The following AVEN variants were observed in gnomAD, a reference collection of about 807,000 sequenced individuals.
AVEN encodes the protein cell death regulator Aven.
AVEN carries 41 observed loss-of-function variants against 38.1 expected under a neutral mutation model. The observed-to-expected ratio is 1.08, with a 90% CI of 0.84 to 1.40. AVEN has a LOEUF of 1.40. Ranked by LOEUF, AVEN falls within the 40% of genes most tolerant of loss-of-function variation. AVEN has a pLI of 0.00. For missense variants in AVEN, 605 were observed against 438.8 expected, an observed-to-expected ratio of 1.38 and a Z score of -3.38; for synonymous variants, 206 against 171.8, an observed-to-expected ratio of 1.20 and a Z score of -1.56.
chr15:33,911,411 A>G (rs1004661257), intron 2 of AVEN, among the ~76,000 whole-genome samples: 1 of 152,194 alleles, frequency 6.6e-6, no homozygotes, highest in African/African-American at 2.4e-5. Flanking sequence ...TTTTTTGCTA[A>G]CATACCTTTG....
rs1399753646 is a variant in AVEN at position 34,039,195 on chromosome 15, C to G, written c.-149G>C. On this transcript the variant is annotated 5_prime_UTR_variant, in exon 1 of 6. Coordinates refer to ENST00000306730, the MANE Select transcript of AVEN (RefSeq NM_020371.3). ...GGGGTGCGGGGCTAGGGATCGAGGC[C>G]GGCCGCAGCGGAGCGGGGCGGGGCG... The G allele has an allele frequency of 4.7e-6, 3 of 635,736 alleles. No individual in the cohort carries two copies. In the South Asian group the frequency reaches 2.1e-4, roughly 45 times the overall value. 39.4% of individuals were successfully genotyped at this position (635,736 alleles called of 1,614,324 possible).
chr15:33,926,927 T>C (rs1199066730), intron 2 of AVEN, among the ~76,000 whole-genome samples: 1 of 152,132 alleles, frequency 6.6e-6, no homozygotes, highest in Non-Finnish European at 1.5e-5. Flanking sequence ...ATTGCTAGGA[T>C]TACAGGAGTG....
At chr15:33,954,635 C>CA (rs1270954394) in intron 2 of AVEN, among the ~76,000 whole-genome samples, 1 of 143,756 alleles carries the variant, frequency 7.0e-6, no homozygotes, top group Non-Finnish European at 1.5e-5. Context: ...GGGAACATCA[C>CA]ACCCCAGGGC....
intron 2 of AVEN, among the ~76,000 whole-genome samples, chr15:33,881,981 G>C (rs1174403028): frequency 6.6e-6 from 1 of 152,230 alleles, no homozygotes; most frequent in Non-Finnish European, 1.5e-5. Flanking sequence ...CAACAGCTGT[G>C]TGTCCTGAAT....
intron 2 of AVEN, among the ~76,000 whole-genome samples, chr15:33,983,396 G>A (rs1002381533): frequency 6.6e-6 from 1 of 151,612 alleles, no homozygotes; most frequent in Non-Finnish European, 1.5e-5. Flanking sequence ...TAACATAAAC[G>A]CTTCCATTCT....
chr15:34,033,735 A>G (rs1397111161), intron 1 of AVEN, among the ~76,000 whole-genome samples: 1 of 152,158 alleles, frequency 6.6e-6, no homozygotes, highest in Non-Finnish European at 1.5e-5. Flanking sequence ...AAATACAAGT[A>G]AAAAAGAATA....
chr15:33,867,317 T>C (rs1890636938), intron 5 of AVEN, among the ~76,000 whole-genome samples, 178 bp downstream of exon 5: 1 of 151,752 alleles, frequency 6.6e-6, no homozygotes, highest in Admixed American at 6.6e-5. Context: ...GAGAGGAAGG[T>C]TGTCAGAAAG....
chr15:33,947,318 G>C (rs1597261397), intron 2 of AVEN, among the ~76,000 whole-genome samples: 1 of 152,198 alleles, frequency 6.6e-6, no homozygotes, highest in Non-Finnish European at 1.5e-5. Context: ...AAAGCCAAAC[G>C]GGGTGCTCCT....
chr15:34,024,623 C>T (rs557060657), intron 1 of AVEN, among the ~76,000 whole-genome samples: 376 of 151,340 alleles, frequency 2.5e-3, no homozygotes, highest in Non-Finnish European at 3.8e-3. Flanking sequence ...GAGGCCGAGG[C>T]GGGCGGATCA....
intron 2 of AVEN, among the ~76,000 whole-genome samples, chr15:33,886,789 T>C (rs1891719782): frequency 6.6e-6 from 1 of 152,220 alleles, no homozygotes; most frequent in South Asian, 2.1e-4. Flanking sequence ...AATTGACTAA[T>C]ACATTTGTCA....
chr15:33,867,960 G>A, intron 4 of AVEN, 105 bp from the exon 5 acceptor site: 1 of 1,420,120 alleles, frequency 7.0e-7, no homozygotes, highest in Non-Finnish European at 9.4e-7. Flanking sequence ...TGTGACAGAG[G>A]AAACTCAATT....
In AVEN at chr15:33,992,596, A is replaced by C. The variant is rs188230844; in HGVS notation, c.445+10436T>G. 5.6e-4 allele frequency among the ~76,000 whole-genome samples: 85 copies of C among 152,302 alleles called. 1 individual carries two copies. The highest frequency in any genetic ancestry group is 1.8e-3 in the Admixed American group (28 of 15,298). ...GATGTTTTAAATATCAAAGGGAAGA[A>C]TCTTCTTCTACTATATTGCCTTTGT... On this transcript the variant is annotated intron_variant, in intron 2 of 5. Coordinates refer to ENST00000306730, the MANE Select transcript of AVEN (RefSeq NM_020371.3).
intron 5 of AVEN, among the ~76,000 whole-genome samples, chr15:33,867,077 C>G (rs2153032997): frequency 6.6e-6 from 1 of 152,282 alleles, no homozygotes; most frequent in Non-Finnish European, 1.5e-5. Flanking sequence ...GCCACTATCT[C>G]ACAGGACATG....
At chr15:34,003,868 T>C (rs767931909) in intron 1 of AVEN, among the ~76,000 whole-genome samples, 12 of 152,214 alleles carry the variant, frequency 7.9e-5, no homozygotes, top group Non-Finnish European at 1.5e-4. Flanking sequence ...ATACATGTTA[T>C]GACCAGAACC....
chr15:33,898,496 G>A (rs536107166), intron 2 of AVEN, among the ~76,000 whole-genome samples: 2 of 152,260 alleles, frequency 1.3e-5, no homozygotes, highest in African/African-American at 4.8e-5. Context: ...ATCTAGCCTT[G>A]CTAGCAACCC....
intron 2 of AVEN, among the ~76,000 whole-genome samples, chr15:33,979,007 T>C (rs1896017260): frequency 6.6e-6 from 1 of 152,152 alleles, no homozygotes; most frequent in African/African-American, 2.4e-5. Context: ...CTGGCTCATA[T>C]AATGCTCCAG....
intron 2 of AVEN, among the ~76,000 whole-genome samples, chr15:33,911,885 C>T (rs1892931042): frequency 6.6e-6 from 1 of 152,114 alleles, no homozygotes; most frequent in African/African-American, 2.4e-5. Flanking sequence ...GAAGAACTTC[C>T]AGAGAGAGAA....
chr15:34,017,592 G>A (rs927167072), intron 1 of AVEN, among the ~76,000 whole-genome samples: 1 of 147,176 alleles, frequency 6.8e-6, no homozygotes, highest in Non-Finnish European at 1.5e-5. Context: ...CAATTCTCCT[G>A]CCTGAGTCTC....
chr15:33,983,676 C>T (rs1896292370), intron 2 of AVEN, among the ~76,000 whole-genome samples: 1 of 152,094 alleles, frequency 6.6e-6, no homozygotes. Context: ...AGCTTACTCG[C>T]ATCGTCTTGA....
Sources: gnomAD v4.1 joint callset for allele counts (sites outside exome capture counted in the v4.1 genomes callset) on GRCh38, gnomAD v4.1.1 for gene constraint, MANE v1.5 for transcripts, NCBI Gene and HGNC (gene_info 2026-07-23, HGNC 2026-07-21) for gene names.